LINS1: variants seen among roughly 807,000 people sequenced by gnomAD.
LINS1 encodes protein Lines homolog 1.
A neutral mutation model predicts 41.6 loss-of-function variants in LINS1; 27 were observed. The ratio of observed to expected loss-of-function variants is 0.65; its 90% confidence interval spans 0.48 to 0.89. The LOEUF is 0.89. Among genes scored for constraint, LINS1 ranks in the 40% least tolerant of loss-of-function variants. The probability of loss-of-function intolerance (pLI) is 0.00; values close to 1 mark genes in which losing one functional copy is unlikely to be tolerated. For missense variants in LINS1, 955 were observed against 884.1 expected, an observed-to-expected ratio of 1.08 and a Z score of -1.02; for synonymous variants, 336 against 312.9, an observed-to-expected ratio of 1.07 and a Z score of -0.78.
intron 1 of LINS1, among the ~76,000 whole-genome samples, chr15:100,581,716 C>G (rs975107316): frequency 1.3e-5 from 2 of 152,196 alleles, no homozygotes; most frequent in African/African-American, 4.8e-5. Flanking sequence ...TTGCTCCTTT[C>G]ATTGCCTTTG....
At chr15:100,575,756 T>C (rs868212703) in intron 3 of LINS1, among the ~76,000 whole-genome samples, 6 of 152,046 alleles carry the variant, frequency 3.9e-5, no homozygotes, top group South Asian at 4.1e-4. Context: ...TATTCCAAAA[T>C]TGACCACATA....
At chr15:100,587,326 G>A (rs2038854311) in intron 1 of LINS1, among the ~76,000 whole-genome samples, 1 of 152,040 alleles carries the variant, frequency 6.6e-6, no homozygotes, top group Non-Finnish European at 1.5e-5. Flanking sequence ...TACTTATATA[G>A]GTCATGTGCC....
chr15:100,592,468 C>G (rs1012446716), intron 1 of LINS1, among the ~76,000 whole-genome samples: 8 of 151,994 alleles, frequency 5.3e-5, no homozygotes, highest in African/African-American at 1.9e-4. Context: ...GCTGAAAGTT[C>G]CAACTCTGAG....
intron 1 of LINS1, among the ~76,000 whole-genome samples, chr15:100,591,361 C>G (rs57403659): frequency 0.14 from 21,986 of 152,174 alleles, 1,779 homozygotes; most frequent in East Asian, 0.27. Flanking sequence ...CATGCACTGA[C>G]ACCAGAAACC....
intron 1 of LINS1, among the ~76,000 whole-genome samples, chr15:100,598,812 A>T (rs780694662): frequency 6.6e-6 from 1 of 152,164 alleles, no homozygotes; most frequent in Non-Finnish European, 1.5e-5. Flanking sequence ...TTACACCAAG[A>T]TCCCCAGACA....
intron 1 of LINS1, among the ~76,000 whole-genome samples, chr15:100,589,972 T>C (rs569943280): frequency 9.2e-5 from 14 of 152,304 alleles, no homozygotes; most frequent in South Asian, 2.1e-4. Flanking sequence ...TGGAGAAAGA[T>C]TGTCCTTGCC....
chr15:100,572,670 A>C, intron 5 of LINS1: 1 of 986,764 alleles, frequency 1.0e-6, no homozygotes, highest in Non-Finnish European at 1.2e-6. Flanking sequence ...AAAGCAATTC[A>C]GTGATGTCAT....
At chr15:100,594,437 G>A (rs1040788619) in intron 1 of LINS1, among the ~76,000 whole-genome samples, 30 of 152,036 alleles carry the variant, frequency 2.0e-4, no homozygotes, top group African/African-American at 6.8e-4. Context: ...CAGTGACACG[G>A]TTTTCTGGAA....
intron 1 of LINS1, among the ~76,000 whole-genome samples, chr15:100,599,965 C>T (rs1203066641): frequency 6.6e-6 from 1 of 152,124 alleles, no homozygotes; most frequent in Non-Finnish European, 1.5e-5. Context: ...ACTCAGGAGG[C>T]TGGGACAGGA....
chr15:100,585,723 TTG>T (rs1189970874), intron 1 of LINS1, among the ~76,000 whole-genome samples: 1 of 152,212 alleles, frequency 6.6e-6, no homozygotes, highest in African/African-American at 2.4e-5. Flanking sequence ...TTGTTATATG[TTG>T]TGTTTACTGA....
intron 1 of LINS1, among the ~76,000 whole-genome samples, chr15:100,582,288 G>T (rs1267203348): frequency 2.8e-5 from 4 of 145,098 alleles, no homozygotes; most frequent in African/African-American, 1.0e-4. Flanking sequence ...CTTACACTGG[G>T]TCTTCCGTCT....
At chr15:100,587,157 T>TAAAAA (rs56781451) in intron 1 of LINS1, among the ~76,000 whole-genome samples, 110 of 68,260 alleles carry the variant, frequency 1.6e-3, no homozygotes, top group South Asian at 2.3e-3. Flanking sequence ...GACTCTGTCT[T>TAAAAA]AAAAAAAAAA....
At chr15:100,580,228 G>C in intron 3 of LINS1, 35 bp downstream of exon 3, 1 of 1,443,922 alleles carries the variant, frequency 6.9e-7, no homozygotes, top group Non-Finnish European at 9.6e-7. Context: ...AATTAAGAAA[G>C]AGAAATAATA....
At position 100,572,347 on chromosome 15, in the gene LINS1, G is replaced by C. The variant is rs992927155; in HGVS notation, c.1223-282C>G. ...TAACAACTGTCTCTTAGAAATAAAA[G>C]TTATGTGATTTCTTGCTAAAAGCAG... On this transcript the variant is annotated intron_variant, in intron 5 of 6. Coordinates refer to ENST00000314742, the MANE Select transcript of LINS1 (RefSeq NM_001040616.3). 1.7e-6 allele frequency: 2 copies of C among 1,204,678 alleles called. 1 individual carries two copies. 74.6% of individuals were successfully genotyped at this position (1,204,678 alleles called of 1,614,324 possible).
chr15:100,575,249 G>C, intron 3 of LINS1, 121 bp from the exon 4 acceptor site: 1 of 726,654 alleles, frequency 1.4e-6, no homozygotes, highest in Non-Finnish European at 2.3e-6. Context: ...GGCACACCGA[G>C]AAGGAACAGA....
At chr15:100,596,647 T>C (rs992488933) in intron 1 of LINS1, among the ~76,000 whole-genome samples, 8 of 152,220 alleles carry the variant, frequency 5.3e-5, no homozygotes, top group Non-Finnish European at 1.5e-5. Flanking sequence ...AATCATTTCT[T>C]TTCTAACAAA....
At chr15:100,577,793 C>T (rs969886933) in intron 3 of LINS1, among the ~76,000 whole-genome samples, 1 of 152,132 alleles carries the variant, frequency 6.6e-6, no homozygotes, top group South Asian at 2.1e-4. Flanking sequence ...GCTACAGTAA[C>T]CAAAACAACA....
At chr15:100,571,861 G>C (rs1207471299) in intron 6 of LINS1, 33 bp downstream of exon 6, 37 of 1,612,228 alleles carry the variant, frequency 2.3e-5, no homozygotes, top group Non-Finnish European at 3.1e-5. Flanking sequence ...CTGACTTGTA[G>C]GCCGTTCAAT....
chr15:100,592,334 C>T (rs1182381109), intron 1 of LINS1, among the ~76,000 whole-genome samples: 2 of 152,332 alleles, frequency 1.3e-5, no homozygotes, highest in East Asian at 3.9e-4. Context: ...GGACACCCAT[C>T]AACTGATAAC....
Sources: allele counts gnomAD v4.1 joint callset (sites outside exome capture counted in the v4.1 genomes callset), GRCh38; gene constraint gnomAD v4.1.1; transcripts MANE v1.5; gene names NCBI Gene and HGNC (gene_info 2026-07-23, HGNC 2026-07-21).